Variants in TRPM3 observed in about 807,000 individuals in gnomAD.
The protein encoded by TRPM3 is long transient receptor potential channel 3.
In TRPM3, 77 loss-of-function variants were observed where a neutral mutation model predicts 181.2. The ratio of observed to expected loss-of-function variants is 0.42; its 90% confidence interval spans 0.35 to 0.51. The LOEUF is 0.51. Among genes scored for constraint, TRPM3 ranks in the 20% least tolerant of loss-of-function variants. TRPM3 has a pLI of 0.01. For missense variants in TRPM3, 1,759 were observed against 2,196.7 expected, an observed-to-expected ratio of 0.80 and a Z score of 3.98; for synonymous variants, 745 against 796.4, an observed-to-expected ratio of 0.94 and a Z score of 1.09.
chr9:70,870,530 A>G (rs7856482), intron 1 of TRPM3, among the ~76,000 whole-genome samples: 35,294 of 151,952 alleles, frequency 0.23, 4,637 homozygotes, highest in Admixed American at 0.29. Flanking sequence ...AACACTCCCA[A>G]GCACTTATTC....
rs1176270294 is a variant in TRPM3, at chr9:71,198,117, A to G, written c.183+248536T>C. On this transcript the variant is annotated intron_variant, in intron 1 of 24. Coordinates refer to the TRPM3 transcript ENST00000357533. ...CTAGCCAGTCTTCCCAGCACCATTTATTAAATAGGGAATCCTTTCCCCATT... is the reference window on the plus strand; with the variant it reads ...CTAGCCAGTCTTCCCAGCACCATTTGTTAAATAGGGAATCCTTTCCCCATT... 2.1e-3 allele frequency among the ~76,000 whole-genome samples: 320 copies of G among 149,954 alleles called. 2 individuals carry two copies. The highest frequency in any genetic ancestry group is 0.014 in the Middle Eastern group (4 of 290).
At chr9:71,377,556 CAG>C (rs2092696025) in intron 1 of TRPM3, among the ~76,000 whole-genome samples, 1 of 152,070 alleles carries the variant, frequency 6.6e-6, no homozygotes, top group South Asian at 2.1e-4. Context: ...TCTCATCTCT[CAG>C]AGTTTCTTTC....
intron 1 of TRPM3, among the ~76,000 whole-genome samples, chr9:71,380,182 C>T (rs969807533): frequency 1.6e-4 from 24 of 152,004 alleles, no homozygotes; most frequent in Admixed American, 7.9e-4. Flanking sequence ...TATTTGCTTG[C>T]GGGGAATTCT....
intron 1 of TRPM3, among the ~76,000 whole-genome samples, chr9:71,084,472 A>C (rs914340088): frequency 1.3e-5 from 2 of 152,052 alleles, no homozygotes; most frequent in African/African-American, 4.8e-5. Flanking sequence ...ATTTCTATAC[A>C]ACAATAATGT....
chr9:71,193,990 T>C (rs752615101), intron 1 of TRPM3, among the ~76,000 whole-genome samples: 4 of 151,968 alleles, frequency 2.6e-5, no homozygotes, highest in Non-Finnish European at 2.9e-5. Context: ...CATACACATA[T>C]ACAAATTTTA....
At chr9:71,148,224 T>C (rs2075538535) in intron 1 of TRPM3, among the ~76,000 whole-genome samples, 1 of 152,184 alleles carries the variant, frequency 6.6e-6, no homozygotes, top group Non-Finnish European at 1.5e-5. Flanking sequence ...AACAAACTTT[T>C]AAAATCAGCT....
At chr9:71,330,801 A>G (rs1264188610) in intron 1 of TRPM3, among the ~76,000 whole-genome samples, 1 of 151,826 alleles carries the variant, frequency 6.6e-6, no homozygotes, top group African/African-American at 2.4e-5. Flanking sequence ...ATTCACACAG[A>G]TACAGGAGGC....
chr9:70,846,540 T>A lies in TRPM3; in HGVS notation c.514A>T (p.Thr172Ser). The change falls in exon 4 of 26, where the codon ACC (threonine) becomes TCC (serine). Residue 172 changes from threonine (T) to serine (S), a missense_variant. By Grantham distance (58) the Thr-to-Ser change is moderately conservative. This residue lies in a region of TRPM3 where 737 missense variants were observed against 957.4 expected (regional missense o/e 0.77). Coordinates refer to ENST00000677713, the MANE Select transcript of TRPM3 (RefSeq NM_001366145.2). The stretch of plus-strand genomic sequence containing the variant: ...GGAAGCTCCAACTGCCATTCCTTGG[T>A]CATCAGGTGTAAGAGGAGATCAGGT... ...TKPDLLLHLMTKEWQLELPKL... is the reference protein window; with the variant it reads ...TKPDLLLHLMSKEWQLELPKL... 6.2e-7 allele frequency: 1 copy of A among 1,614,112 alleles called. No homozygotes were observed. Among genetic ancestry groups the A allele is most frequent in the South Asian group, 1.1e-5 (1 of 91,080 alleles).
In TRPM3 at chr9:70,764,671, G is replaced by A. The variant is rs570163775; in HGVS notation, c.1149-2947C>T. 3.6e-4 allele frequency among the ~76,000 whole-genome samples: 55 copies of A among 152,296 alleles called. 1 individual carries two copies. Among genetic ancestry groups the A allele is most frequent in the Middle Eastern group, 3.4e-3 (1 of 294 alleles). ...CAAGAACCATAGAATTCTAGAAGTG[G>A]AAGGATTCTCTAAGGTGTTTTCCAA... On this transcript the variant is annotated intron_variant, in intron 7 of 25. Transcript: ENST00000677713.
At chr9:71,240,914 T>G (rs1209529799) in intron 1 of TRPM3, among the ~76,000 whole-genome samples, 2 of 152,178 alleles carry the variant, frequency 1.3e-5, no homozygotes, top group Non-Finnish European at 2.9e-5. Context: ...GATACCAAAT[T>G]TTTTATGTTA....
intron 8 of TRPM3, among the ~76,000 whole-genome samples, chr9:70,694,904 A>G (rs571595674): frequency 1.3e-5 from 2 of 152,336 alleles, no homozygotes; most frequent in South Asian, 2.1e-4. Context: ...CACACTGTTG[A>G]TGCTTAGCCA....
intron 12 of TRPM3, among the ~76,000 whole-genome samples, chr9:70,631,202 G>A (rs1356065924): frequency 2.6e-5 from 4 of 152,126 alleles, no homozygotes; most frequent in Non-Finnish European, 4.4e-5. Context: ...GAGAGCTCAG[G>A]GGAAAAGAGG....
chr9:71,229,867 C>G (rs2080934605), intron 1 of TRPM3, among the ~76,000 whole-genome samples: 1 of 152,094 alleles, frequency 6.6e-6, no homozygotes, highest in Admixed American at 6.5e-5. Flanking sequence ...CTGTGGAAAA[C>G]AGTTTGGAGG....
chr9:70,875,540 C>T (rs952423884), intron 1 of TRPM3, among the ~76,000 whole-genome samples: 2 of 151,812 alleles, frequency 1.3e-5, no homozygotes, highest in African/African-American at 4.8e-5. Context: ...CAATTTGGCA[C>T]ATGTGTAAAA....
chr9:70,928,474 G>A (rs1336234521), intron 1 of TRPM3, among the ~76,000 whole-genome samples: 1 of 152,144 alleles, frequency 6.6e-6, no homozygotes, highest in Non-Finnish European at 1.5e-5. Context: ...CCATCTAAAT[G>A]TTGAGCACAG....
In TRPM3 at chr9:70,537,106, G is replaced by C. The variant is rs2041966609; in HGVS notation, c.4007C>G (p.Ser1336Cys). 1 of 1,609,042 alleles carries C rather than the reference G, an allele frequency of 6.2e-7. No homozygotes were observed. The highest frequency in any genetic ancestry group is 1.3e-5 in the African/African-American group (1 of 74,946). Residue 1336 changes from serine to cysteine, a missense_variant, in exon 26 of 26, where the codon TCC (serine) becomes TGC (cysteine). This residue lies in a region of TRPM3 where 612 missense variants were observed against 590.0 expected (regional missense o/e 1.04). Transcript: ENST00000677713. ...GGGCATTAAGGTTGGAGAAGTTGGG[G>C]ACATGGTCTCCTCACCTGCAGGGTC... is the stretch of plus-strand genomic sequence containing the variant. ...SIDPAGEETM[S>C]PTSPTLMPRM...
rs534685174 is a variant in TRPM3, at chr9:71,400,547, A to C, written c.183+46106T>G. Among the ~76,000 whole-genome samples the C allele has an allele frequency of 4.6e-5, 7 of 152,308 alleles. No individual in the cohort carries two copies. In the South Asian group the frequency reaches 8.3e-4, roughly 18 times the overall value. On this transcript the variant is annotated intron_variant, in intron 1 of 24. Transcript: ENST00000357533. Reference sequence around the variant, plus strand: ...ATCTTGGTTAATATACTTCTAATTGAGGAAGAAGTAGAATAGAAAGTATTT... The same window carrying C: ...ATCTTGGTTAATATACTTCTAATTGCGGAAGAAGTAGAATAGAAAGTATTT...
chr9:70,799,727 C>A (rs961351840), intron 6 of TRPM3, among the ~76,000 whole-genome samples: 51 of 152,176 alleles, frequency 3.4e-4, no homozygotes, highest in African/African-American at 1.2e-3. Flanking sequence ...CTCCAGGGAC[C>A]AGTGCCAGTC....
At chr9:70,921,942 A>AACAAACACACACACAC (rs1554770508) in intron 1 of TRPM3, among the ~76,000 whole-genome samples, 3 of 139,394 alleles carry the variant, frequency 2.2e-5, no homozygotes, top group Admixed American at 1.4e-4. Flanking sequence ...CACACAAACA[A>AACAAACACACACACAC]ACACACACAC....
Sources: gnomAD v4.1 joint callset for allele counts (sites outside exome capture counted in the v4.1 genomes callset) on GRCh38, gnomAD v4.1.1 for gene constraint, gnomAD v4.1.1 regional missense constraint, MANE v1.5 for transcripts, NCBI Gene and HGNC (gene_info 2026-07-23, HGNC 2026-07-21) for gene names.